CNTN5: variants seen among roughly 807,000 people sequenced by gnomAD.
CNTN5 encodes the protein contactin-5.
In CNTN5, 77 loss-of-function variants were observed where a neutral mutation model predicts 129.1. That is an observed-to-expected ratio of 0.60 (90% CI 0.50 to 0.72). The LOEUF (loss-of-function observed/expected upper bound fraction) is 0.72, where lower values mean the gene tolerates loss of function less well. Among genes scored for constraint, CNTN5 ranks in the 30% least tolerant of loss-of-function variants. The pLI, the probability that CNTN5 is intolerant of heterozygous loss-of-function variation, is 0.00. For synonymous variants in CNTN5, 509 were observed against 465.6 expected (o/e 1.09, Z -1.20); for missense variants, 1,478 against 1,328.8 (o/e 1.11, Z -1.75).
At chr11:99,551,569 T>A (rs1431866813) in intron 2 of CNTN5, among the ~76,000 whole-genome samples, 1 of 152,216 alleles carries the variant, frequency 6.6e-6, no homozygotes, top group Admixed American at 6.5e-5. Context: ...TATCCCTTAA[T>A]GACTGAGCCA....
chr11:99,912,479 C>T (rs1949686546), intron 6 of CNTN5, among the ~76,000 whole-genome samples: 1 of 151,790 alleles, frequency 6.6e-6, no homozygotes, highest in African/African-American at 2.4e-5. Context: ...TAACCAGTAC[C>T]TAACACAGTT....
chr11:99,381,985 C>CAAAT (rs1345593437), intron 2 of CNTN5, among the ~76,000 whole-genome samples: 1 of 151,772 alleles, frequency 6.6e-6, no homozygotes, highest in Non-Finnish European at 1.5e-5. Context: ...CCTTTAAAAA[C>CAAAT]AAACAAACAA....
chr11:99,039,873 T>C (rs1176758979), intron 1 of CNTN5, among the ~76,000 whole-genome samples: 1 of 152,164 alleles, frequency 6.6e-6, no homozygotes, highest in African/African-American at 2.4e-5. Context: ...AGAAAAAATG[T>C]CAGAGGTTTT....
At chr11:100,127,353 A>G (rs567373223) in intron 13 of CNTN5, among the ~76,000 whole-genome samples, 3 of 151,892 alleles carry the variant, frequency 2.0e-5, no homozygotes, top group Non-Finnish European at 4.4e-5. Context: ...GATGATAACA[A>G]TCCTTTGAAA....
intron 1 of CNTN5, among the ~76,000 whole-genome samples, chr11:99,197,210 A>G (rs1858947495): frequency 6.6e-6 from 1 of 152,026 alleles, no homozygotes; most frequent in African/African-American, 2.4e-5. Flanking sequence ...GATACAACAT[A>G]TTCTTTGACC....
intron 13 of CNTN5, among the ~76,000 whole-genome samples, chr11:100,139,201 T>G (rs935913421): frequency 1.8e-4 from 27 of 152,134 alleles, no homozygotes; most frequent in African/African-American, 6.5e-4. Flanking sequence ...AGGGCAGAGA[T>G]ATGGCATAAT....
intron 6 of CNTN5, among the ~76,000 whole-genome samples, chr11:99,868,316 CAG>C (rs56035551): frequency 0.039 from 5,887 of 151,746 alleles, 191 homozygotes; most frequent in East Asian, 0.16. Flanking sequence ...TAATTGTAAA[CAG>C]AGCTTAAGCC....
intron 2 of CNTN5, among the ~76,000 whole-genome samples, chr11:99,518,194 C>T (rs1026448194): frequency 7.9e-5 from 12 of 152,060 alleles, no homozygotes; most frequent in African/African-American, 2.9e-4. Flanking sequence ...CAGTCGGATG[C>T]GTACAACTGA....
chr11:100,184,781 T>C (rs937543197), intron 13 of CNTN5, among the ~76,000 whole-genome samples: 4 of 152,194 alleles, frequency 2.6e-5, no homozygotes, highest in African/African-American at 9.6e-5. Flanking sequence ...TTACATATGA[T>C]ATATAGGGAT....
chr11:100,303,053 A>G (rs1046332976), intron 20 of CNTN5, among the ~76,000 whole-genome samples: 4 of 151,604 alleles, frequency 2.6e-5, no homozygotes, highest in East Asian at 1.9e-4. Flanking sequence ...AAACCTTTCA[A>G]TGTTGCCACA....
chr11:99,236,951 T>G (rs912225846), intron 1 of CNTN5, among the ~76,000 whole-genome samples: 1 of 152,140 alleles, frequency 6.6e-6, no homozygotes, highest in Non-Finnish European at 1.5e-5. Context: ...CTGCATAATT[T>G]ATATGTTTAT....
At chr11:99,070,993 G>A (rs868166242) in intron 1 of CNTN5, among the ~76,000 whole-genome samples, 69 of 152,254 alleles carry the variant, frequency 4.5e-4, no homozygotes, top group African/African-American at 1.6e-3. Context: ...GACCGGTCCT[G>A]ATATTCTACA....
chr11:100,263,303 G>A (rs1465943291), intron 17 of CNTN5, among the ~76,000 whole-genome samples: 4 of 152,062 alleles, frequency 2.6e-5, no homozygotes, highest in Non-Finnish European at 5.9e-5. Context: ...ATATTTGCAC[G>A]CAGTAACCTT....
chr11:99,835,801 A>G (rs1034392925), intron 4 of CNTN5, among the ~76,000 whole-genome samples: 3 of 152,182 alleles, frequency 2.0e-5, no homozygotes, highest in Non-Finnish European at 2.9e-5. Flanking sequence ...ACCTCCTGTC[A>G]TAGGCCCTAG....
At chr11:100,317,415 C>T (rs1019682517) in intron 21 of CNTN5, among the ~76,000 whole-genome samples, 2 of 152,034 alleles carry the variant, frequency 1.3e-5, no homozygotes, top group Admixed American at 6.6e-5. Flanking sequence ...TGTGGGTAGC[C>T]GCCATTTTAC....
chr11:100,079,759 T>C (rs1944287370), intron 13 of CNTN5, among the ~76,000 whole-genome samples: 1 of 152,156 alleles, frequency 6.6e-6, no homozygotes. Flanking sequence ...TCCCTTTTCA[T>C]ACTGAAACTA....
At chr11:100,097,208 C>A (rs892119913) in intron 13 of CNTN5, among the ~76,000 whole-genome samples, 3 of 152,036 alleles carry the variant, frequency 2.0e-5, no homozygotes, top group African/African-American at 7.2e-5. Flanking sequence ...GAGGGAGCAG[C>A]TTTTATTCAA....
chr11:99,583,196 G>A (rs1949673280), intron 3 of CNTN5, among the ~76,000 whole-genome samples: 1 of 152,188 alleles, frequency 6.6e-6, no homozygotes, highest in Non-Finnish European at 1.5e-5. Flanking sequence ...TTTTGTCTCA[G>A]AGGAGTACCC....
intron 9 of CNTN5, 55 bp downstream of exon 9, chr11:100,002,191 T>A (rs1297536085): frequency 8.5e-7 from 1 of 1,177,512 alleles, no homozygotes; most frequent in Non-Finnish European, 1.2e-6. Context: ...ATGTGACATA[T>A]CTTATTTTTG....
Sources: gnomAD v4.1 joint callset for allele counts (sites outside exome capture counted in the v4.1 genomes callset) on GRCh38, gnomAD v4.1.1 for gene constraint, MANE v1.5 for transcripts, NCBI Gene and HGNC (gene_info 2026-07-23, HGNC 2026-07-21) for gene names.